The following KIF27 variants were observed in gnomAD, a reference collection of about 807,000 sequenced individuals.
The protein encoded by KIF27 is kinesin-like protein KIF27.
Under a neutral mutation model 141.8 loss-of-function variants are expected in KIF27, and 84 were observed. The ratio of observed to expected loss-of-function variants is 0.59; its 90% CI spans 0.50 to 0.71. The LOEUF (loss-of-function observed/expected upper bound fraction) is 0.71. Among genes scored for constraint, KIF27 ranks in the 30% least tolerant of loss-of-function variants. The pLI is 0.00. For synonymous variants in KIF27, 471 were observed against 569.5 expected (o/e 0.83, Z 2.46); for missense variants, 1,306 against 1,628.4 (o/e 0.80, Z 3.41).
chr9:83,866,832 C>T (rs1488937080), intron 13 of KIF27, among the ~76,000 whole-genome samples: 7 of 151,580 alleles, frequency 4.6e-5, no homozygotes, highest in East Asian at 1.9e-4. Flanking sequence ...GCACAGATCG[C>T]GCCACTGCAC....
At chr9:83,895,692 T>C (rs528534274) in intron 5 of KIF27, among the ~76,000 whole-genome samples, 1 of 151,806 alleles carries the variant, frequency 6.6e-6, no homozygotes, top group East Asian at 1.9e-4. Context: ...GAAATGAAAC[T>C]GTTACTATTT....
At chr9:83,891,998 T>C (rs1462891899) in intron 5 of KIF27, among the ~76,000 whole-genome samples, 4 of 152,136 alleles carry the variant, frequency 2.6e-5, no homozygotes, top group East Asian at 1.9e-4. Flanking sequence ...AGCCAACTGA[T>C]AGTCCTGAGA....
chr9:83,918,256 C>T (rs1191372228), intron 1 of KIF27, among the ~76,000 whole-genome samples: 1 of 132,728 alleles, frequency 7.5e-6, no homozygotes, highest in African/African-American at 3.0e-5. Flanking sequence ...ACGTGGACAA[C>T]ACTATAATGT....
At chr9:83,863,510 A>G (rs548158217) in intron 13 of KIF27, among the ~76,000 whole-genome samples, 41 of 152,322 alleles carry the variant, frequency 2.7e-4, no homozygotes, top group Middle Eastern at 6.8e-3. Flanking sequence ...CCAGCCTTGC[A>G]TCCTAGGGAT....
chr9:83,843,856 G>T (rs1946876736), intron 16 of KIF27, among the ~76,000 whole-genome samples: 2 of 152,118 alleles, frequency 1.3e-5, no homozygotes, highest in Non-Finnish European at 2.9e-5. Flanking sequence ...CGGGGTAGCT[G>T]GGACCACAGG....
rs1057427735 is a variant in KIF27 at position 83,896,062 on chromosome 9, A to C, written c.1602+3599T>G. On this transcript the variant is annotated intron_variant, in intron 5 of 17. Coordinates refer to ENST00000297814, the MANE Select transcript of KIF27 (RefSeq NM_017576.4). The stretch of plus-strand genomic sequence containing the variant: ...GTGAGACTCTGTCTCAAAAAAAAAA[A>C]AAAAAAAAAAAAACAAAACACACAC... Among the ~76,000 whole-genome samples, 17 of 149,806 alleles carry C rather than the reference A, an allele frequency of 1.1e-4. No homozygotes were observed. The South Asian group carries it at 2.7e-3, about 24-fold the overall frequency.
intron 14 of KIF27, among the ~76,000 whole-genome samples, chr9:83,857,585 T>C (rs1227206259): frequency 6.6e-6 from 1 of 152,268 alleles, no homozygotes; most frequent in East Asian, 1.9e-4. Flanking sequence ...TTTTTTGTTA[T>C]GGGATCCCAC....
In KIF27 at chr9:83,915,610, A is replaced by G. The variant is rs375654881; in HGVS notation, c.-19T>C. ...CTTCCATGGCAACTTAGATTTTACT[A>G]AATAGATTTTCTATTTAATGTTCAG... is the stretch of plus-strand genomic sequence containing the variant. On this transcript the variant is annotated 5_prime_UTR_variant, in exon 2 of 18. Coordinates refer to ENST00000297814, the MANE Select transcript of KIF27 (RefSeq NM_017576.4). The G allele has an allele frequency of 1.0e-5, 16 of 1,564,996 alleles. No individual in the cohort carries two copies. Among genetic ancestry groups the G allele is most frequent in the Middle Eastern group, 1.7e-4 (1 of 5,804 alleles).
At position 83,837,245 on chromosome 9, in the gene KIF27, T is replaced by G. The variant is rs761903243; in HGVS notation, c.3962A>C (p.Asn1321Thr). Residue 1321 changes from asparagine to threonine, a missense_variant, in exon 18 of 18, where the codon AAT (asparagine) becomes ACT (threonine). Physicochemically the swap from Asn to Thr is moderately conservative, Grantham distance 65. Coordinates refer to ENST00000297814, the MANE Select transcript of KIF27 (RefSeq NM_017576.4). Reference sequence around the variant, plus strand: ...CTGATTATCATCTGTTTCTGTTTTATTCTCATTACCTAACATATGCCCACT... The same window carrying G: ...CTGATTATCATCTGTTTCTGTTTTAGTCTCATTACCTAACATATGCCCACT... ...PPSGHMLGNE[N>T]KTETDDNQFT... The G allele has an allele frequency of 6.2e-7, 1 of 1,613,630 alleles. No homozygotes were observed. The highest frequency in any genetic ancestry group is 1.1e-5 in the South Asian group (1 of 91,014).
Position 83,896,348 on chromosome 9 carries a change from T to G in KIF27, c.1602+3313A>C, listed in dbSNP as rs552448964. Among the ~76,000 whole-genome samples, 393 of 152,272 alleles carry G rather than the reference T, an allele frequency of 2.6e-3. 2 individuals carry two copies. Among genetic ancestry groups the G allele is most frequent in the African/African-American group, 9.1e-3 (379 of 41,562 alleles). On this transcript the variant is annotated intron_variant, in intron 5 of 17. Coordinates refer to ENST00000297814, the MANE Select transcript of KIF27 (RefSeq NM_017576.4). ...CTTGATGGTAACTGTAGACACTCCTTATCAAAAACTGAGTTTAGTCAGGTT... is the reference window on the plus strand; with the variant it reads ...CTTGATGGTAACTGTAGACACTCCTGATCAAAAACTGAGTTTAGTCAGGTT...
At chr9:83,905,833 T>C (rs1563997509) in intron 3 of KIF27, among the ~76,000 whole-genome samples, 2 of 152,212 alleles carry the variant, frequency 1.3e-5, no homozygotes, top group Admixed American at 6.5e-5. Flanking sequence ...CGTGTACTAA[T>C]TGTGTGGCAG....
intron 1 of KIF27, among the ~76,000 whole-genome samples, 153 bp downstream of exon 1, chr9:83,921,218 C>G (rs1040811194): frequency 6.6e-6 from 1 of 152,094 alleles, no homozygotes; most frequent in South Asian, 2.1e-4. Context: ...CGCTACCCAC[C>G]CGCGGCGGCC....
chr9:83,862,341 T>C (rs1319256059), intron 13 of KIF27, among the ~76,000 whole-genome samples: 1 of 152,216 alleles, frequency 6.6e-6, no homozygotes, highest in Non-Finnish European at 1.5e-5. Context: ...CCATCTTGAA[T>C]TAATTTTTGT....
At position 83,859,153 on chromosome 9, in the gene KIF27, T is replaced by G. The variant is rs776975627; in HGVS notation, c.3150+3A>C. 14 of 1,595,020 alleles carry G rather than the reference T, an allele frequency of 8.8e-6. No homozygotes were observed. The highest frequency in any genetic ancestry group is 1.7e-4 in the Middle Eastern group (1 of 6,052). ...CCTCCAGTTCCAAAGAATACTGACT[T>G]ACTTCAGGTGATAACACTCTACCAT... On this transcript the variant is annotated splice_donor_region_variant and intron_variant, in intron 14 of 17. Transcript: ENST00000297814.
rs377569727 is a variant in KIF27, at chr9:83,850,209, C to T, written c.3446G>A (p.Arg1149His). 1.6e-5 allele frequency: 26 copies of T among 1,611,966 alleles called. No individual in the cohort carries two copies. Among genetic ancestry groups the T allele is most frequent in the Non-Finnish European group, 2.2e-5 (26 of 1,178,134 alleles). Residue 1149 changes from arginine (R) to histidine (H), a missense_variant, in exon 16 of 18, where the codon CGT becomes CAT. This residue lies in a region of KIF27 where 596 missense variants were observed against 751.6 expected (regional missense o/e 0.79). Coordinates refer to ENST00000297814, the MANE Select transcript of KIF27 (RefSeq NM_017576.4). ...MKVLERDNMV[R>H]ELESALDHLK... is the part of the protein sequence containing the mutation. ...ATGGTCCAGTGCAGATTCTAATTCA[C>T]GAACCATATTATCCCGTTCCAGAAC...
At chr9:83,905,913 A>G (rs1473761801) in intron 3 of KIF27, among the ~76,000 whole-genome samples, 2 of 152,238 alleles carry the variant, frequency 1.3e-5, no homozygotes, top group Non-Finnish European at 1.5e-5. Flanking sequence ...CTTTACTTGT[A>G]AGTGGGACAT....
intron 2 of KIF27, 52 bp from the exon 3 acceptor site, chr9:83,908,704 C>A (rs1954829159): frequency 9.0e-7 from 1 of 1,108,984 alleles, no homozygotes. Context: ...AAAAGCAAAG[C>A]TACAACCCCA....
intron 13 of KIF27, among the ~76,000 whole-genome samples, chr9:83,866,958 C>A (rs28712486): frequency 0.28 from 39,243 of 140,312 alleles, 5,666 homozygotes; most frequent in African/African-American, 0.42. Context: ...ACCCCCCCCC[C>A]AAAAAAAGAA....
chr9:83,861,181 T>TTATATATATATA (rs369418168), intron 13 of KIF27, among the ~76,000 whole-genome samples: 26 of 149,540 alleles, frequency 1.7e-4, no homozygotes, highest in Admixed American at 4.7e-4. Flanking sequence ...GGCTATTTCT[T>TTATATATATATA]TATATATATA....
Sources: allele counts gnomAD v4.1 joint callset (sites outside exome capture counted in the v4.1 genomes callset), GRCh38; gene constraint gnomAD v4.1.1; regional missense constraint gnomAD v4.1.1; transcripts MANE v1.5; gene names NCBI Gene and HGNC (gene_info 2026-07-23, HGNC 2026-07-21).